Variants in PATJ observed in about 807,000 individuals in gnomAD.
PATJ encodes the protein inaD-like protein.
In PATJ, 190 loss-of-function variants were observed where a neutral mutation model predicts 224.9. The ratio of observed to expected loss-of-function variants is 0.84; its 90% CI spans 0.75 to 0.95. PATJ has a LOEUF of 0.95. Ranked by LOEUF, PATJ falls within the 40% of genes least tolerant of loss-of-function variation. The pLI, the probability that PATJ is intolerant of heterozygous loss-of-function variation, is 0.00. For synonymous variants in PATJ, 769 were observed against 820.3 expected (o/e 0.94, Z 1.07); for missense variants, 2,121 against 2,270.3 (o/e 0.93, Z 1.34).
chr1:61,941,282 C>G (rs1164232134), intron 27 of PATJ, among the ~76,000 whole-genome samples: 1 of 152,170 alleles, frequency 6.6e-6, no homozygotes, highest in East Asian at 1.9e-4. Context: ...TATGGCATAA[C>G]TTTATTATTC....
chr1:61,878,725 G>C (rs1430159247), intron 21 of PATJ, among the ~76,000 whole-genome samples: 1 of 150,968 alleles, frequency 6.6e-6, no homozygotes, highest in Non-Finnish European at 1.5e-5. Context: ...ACATTGCTTA[G>C]TCAGAGGTCA....
At chr1:62,122,977 T>G in intron 38 of PATJ, 44 bp from the exon 39 acceptor site, 1 of 1,291,036 alleles carries the variant, frequency 7.7e-7, no homozygotes, top group Non-Finnish European at 1.1e-6. Flanking sequence ...GCTAAATATA[T>G]TATTTTTTAA....
At chr1:62,146,558 C>G (rs1266539282) in intron 41 of PATJ, among the ~76,000 whole-genome samples, 1 of 152,044 alleles carries the variant, frequency 6.6e-6, no homozygotes, top group African/African-American at 2.4e-5. Flanking sequence ...GGCAGATCAC[C>G]TCAGGTCAGA....
At position 62,121,285 on chromosome 1, in the gene PATJ, GA is replaced by G. The variant is rs779078988; in HGVS notation, c.5000del (p.Asn1667IlefsTer13). On this transcript the variant is annotated frameshift_variant, in exon 38 of 44. Coordinates refer to ENST00000642238, the MANE Select transcript of PATJ (RefSeq NM_001350145.3). LOFTEE classifies it high-confidence loss of function. ...GTKRVSDPSQ[K>X]NSGTDMEPRT... ...CAAAAAGAGTTTCAGATCCTTCCCAGAAAAATTCAGGTATTACACGGACACA... is the reference window on the plus strand; with the variant it reads ...CAAAAAGAGTTTCAGATCCTTCCCAGAAAATTCAGGTATTACACGGACACA... 1.2e-6 allele frequency: 2 copies of G among 1,606,118 alleles called. No individual in the cohort carries two copies. Among genetic ancestry groups the G allele is most frequent in the African/African-American group, 2.7e-5 (2 of 73,276 alleles).
At chr1:61,778,453 T>C (rs1199750780) in intron 7 of PATJ, among the ~76,000 whole-genome samples, 1 of 152,200 alleles carries the variant, frequency 6.6e-6, no homozygotes, top group African/African-American at 2.4e-5. Context: ...AGATTCTACA[T>C]TGTAACTGTA....
chr1:62,079,163 AC>A lies in PATJ; in HGVS notation c.4126-282del, dbSNP rs1658833204. 5.9e-5 allele frequency among the ~76,000 whole-genome samples: 9 copies of A among 152,002 alleles called. No individual in the cohort carries two copies. The South Asian group carries it at 1.9e-3, about 32-fold the overall frequency. On this transcript the variant is annotated intron_variant, in intron 31 of 43. Coordinates refer to ENST00000642238, the MANE Select transcript of PATJ (RefSeq NM_001350145.3). ...CAAGATAATTTTTGTTTTGCCTCCC[AC>A]CCCCAGCTTCATGTACAGATCACAC...
chr1:61,765,286 G>A (rs1420198076), intron 3 of PATJ, among the ~76,000 whole-genome samples: 2 of 151,222 alleles, frequency 1.3e-5, no homozygotes, highest in African/African-American at 4.9e-5. Flanking sequence ...ATGTTGCCCA[G>A]GCTGGTCTTG....
In PATJ at chr1:61,861,540, T is replaced by G; in HGVS notation, c.2323-11T>G. The G allele has an allele frequency of 8.4e-7, 1 of 1,191,332 alleles. No individual in the cohort carries two copies. The highest frequency in any genetic ancestry group is 1.2e-6 in the Non-Finnish European group (1 of 833,148). 73.8% of individuals were successfully genotyped at this position (1,191,332 alleles called of 1,614,324 possible). ...TTCTTATTTATAAATAAAAGTGGTT[T>G]ATATTTTCAGGAAGATAATGAAGAA... On this transcript the variant is annotated splice_polypyrimidine_tract_variant and intron_variant, in intron 18 of 43. Transcript: ENST00000642238.
chr1:61,926,730 G>A (rs993643353), intron 26 of PATJ, among the ~76,000 whole-genome samples: 1 of 152,140 alleles, frequency 6.6e-6, no homozygotes, highest in Admixed American at 6.5e-5. Flanking sequence ...ATTATCTTAA[G>A]TAAATATGGG....
chr1:62,116,878 G>A (rs1664495876), intron 36 of PATJ, among the ~76,000 whole-genome samples, 199 bp downstream of exon 36: 1 of 152,128 alleles, frequency 6.6e-6, no homozygotes. Context: ...GAATGAAAGG[G>A]AACCTGCTTT....
chr1:62,071,338 A>T (rs1657363389), intron 31 of PATJ, among the ~76,000 whole-genome samples: 1 of 152,152 alleles, frequency 6.6e-6, no homozygotes, highest in Non-Finnish European at 1.5e-5. Context: ...AATATTATTA[A>T]TTGCCAGGTG....
intron 14 of PATJ, among the ~76,000 whole-genome samples, chr1:61,820,853 T>C (rs890746286): frequency 6.6e-6 from 1 of 152,118 alleles, no homozygotes; most frequent in African/African-American, 2.4e-5. Flanking sequence ...TTGGCAGAGA[T>C]GAGTGGTAAA....
At chr1:62,057,929 C>T (rs1188950479) in intron 31 of PATJ, among the ~76,000 whole-genome samples, 1 of 152,186 alleles carries the variant, frequency 6.6e-6, no homozygotes, top group Non-Finnish European at 1.5e-5. Flanking sequence ...CAGCAGTGGG[C>T]TCTATATGTC....
At chr1:62,092,804 C>T (rs1173679134) in intron 33 of PATJ, among the ~76,000 whole-genome samples, 3 of 151,734 alleles carry the variant, frequency 2.0e-5, no homozygotes, top group Non-Finnish European at 2.9e-5. Flanking sequence ...TACAGTGGTA[C>T]GATCTTGGCT....
intron 1 of PATJ, among the ~76,000 whole-genome samples, chr1:61,743,506 CA>C (rs1644867581): frequency 6.6e-6 from 1 of 152,128 alleles, no homozygotes. Context: ...AGGTGCGCGA[CA>C]AGTGTTTCTT....
At chr1:61,886,329 T>A (rs528054415) in intron 22 of PATJ, among the ~76,000 whole-genome samples, 2 of 152,248 alleles carry the variant, frequency 1.3e-5, no homozygotes, top group East Asian at 3.9e-4. Context: ...TTAACAAAAG[T>A]GTCCTCACAG....
chr1:61,839,837 G>A (rs1660788204), intron 17 of PATJ, among the ~76,000 whole-genome samples: 1 of 151,840 alleles, frequency 6.6e-6, no homozygotes, highest in South Asian at 2.1e-4. Flanking sequence ...TTTTGCCAAA[G>A]CTGATATTTT....
chr1:62,152,569 T>C (rs1038683064), intron 42 of PATJ, among the ~76,000 whole-genome samples: 33 of 151,994 alleles, frequency 2.2e-4, no homozygotes, highest in Middle Eastern at 3.4e-3. Flanking sequence ...GAGAATTGCT[T>C]GAATCCGGGA....
intron 17 of PATJ, among the ~76,000 whole-genome samples, chr1:61,849,935 T>C (rs1662550696): frequency 6.6e-6 from 1 of 152,216 alleles, no homozygotes; most frequent in Non-Finnish European, 1.5e-5. Context: ...TTAGAACAAT[T>C]CTTGGTATAT....
Sources: allele counts gnomAD v4.1 joint callset (sites outside exome capture counted in the v4.1 genomes callset), GRCh38; gene constraint gnomAD v4.1.1; transcripts MANE v1.5; gene names NCBI Gene and HGNC (gene_info 2026-07-23, HGNC 2026-07-21).